The following RMDN3 variants were observed in gnomAD, a reference collection of about 807,000 sequenced individuals.
RMDN3 encodes the protein regulator of microtubule dynamics protein 3.
A neutral mutation model predicts 61.8 loss-of-function variants in RMDN3; 41 were observed. That is an observed-to-expected ratio of 0.66 (90% CI 0.52 to 0.86). The LOEUF is 0.86. RMDN3 is among the 40% of genes least tolerant of loss of function. RMDN3 has a pLI of 0.00. For synonymous variants in RMDN3, 247 were observed against 232.0 expected, an observed-to-expected ratio of 1.06 and a Z score of -0.59; for missense variants, 557 against 585.3, an observed-to-expected ratio of 0.95 and a Z score of 0.50.
At chr15:40,747,388 G>T (rs988514706) in intron 4 of RMDN3, among the ~76,000 whole-genome samples, 2 of 152,210 alleles carry the variant, frequency 1.3e-5, no homozygotes, top group Admixed American at 1.3e-4. Context: ...GCCCTGTGAG[G>T]CAGGGAGGCT....
At chr15:40,739,874 C>T (rs1401750444) in intron 7 of RMDN3, among the ~76,000 whole-genome samples, 2 of 152,142 alleles carry the variant, frequency 1.3e-5, no homozygotes, top group Non-Finnish European at 2.9e-5. Flanking sequence ...TGACTCTTAA[C>T]AAAGCTACTC....
At chr15:40,745,478 T>A (rs1383133770) in intron 4 of RMDN3, among the ~76,000 whole-genome samples, 1 of 149,870 alleles carries the variant, frequency 6.7e-6, no homozygotes, top group African/African-American at 2.5e-5. Context: ...AGTGGTTCGA[T>A]CTTGGCTCAC....
chr15:40,740,170 G>C lies in RMDN3; in HGVS notation c.934C>G (p.Leu312Val). ...LDGKEEAEAA[L>V]EKGDESADCH... ...TCAGCACTCTCATCCCCCTTCTCCA[G>C]AGCAGCCTCTGCTTCTTCTTTTCCT... The change falls in exon 7 of 13, where the codon CTG becomes GTG. Residue 312 changes from leucine to valine, a missense_variant. By Grantham distance (32) the Leu-to-Val change is conservative. Transcript: ENST00000338376. 1 of 1,612,176 alleles carries C rather than the reference G, an allele frequency of 6.2e-7. No individual in the cohort carries two copies. The highest frequency in any genetic ancestry group is 8.5e-7 in the Non-Finnish European group (1 of 1,178,626).
rs1309240758 is a variant in RMDN3 at position 40,748,806 on chromosome 15, G to A, written c.524+2620C>T. Among the ~76,000 whole-genome samples, 3 of 152,182 alleles carry A rather than the reference G, an allele frequency of 2.0e-5. No homozygotes were observed. The East Asian group carries it at 5.8e-4, about 29-fold the overall frequency. ...GTAGAGACAGGGTTTCACCATGTTG[G>A]CCGGGCTGGTCTCGAACTCCTGACC... On this transcript the variant is annotated intron_variant, in intron 4 of 12. Transcript: ENST00000338376.
chr15:40,751,558 T>G lies in RMDN3; in HGVS notation c.392A>C (p.Glu131Ala). 6.2e-7 allele frequency: 1 copy of G among 1,614,218 alleles called. No individual in the cohort carries two copies. The highest frequency in any genetic ancestry group is 8.5e-7 in the Non-Finnish European group (1 of 1,180,044). ...EIVGEVRCHMEENQRVARRRR... is the reference protein window; with the variant it reads ...EIVGEVRCHMAENQRVARRRR... ...CCGCCGAGCCACTCTCTGGTTCTCT[T>G]CCATGTGGCATCTGGAAAGCAGGCC... Residue 131 changes from glutamate (E) to alanine (A), a missense_variant, in exon 4 of 13, where the codon GAA becomes GCA. Glu to Ala is a moderately radical substitution (Grantham distance 107, BLOSUM62 -1). Coordinates refer to ENST00000338376, the MANE Select transcript of RMDN3 (RefSeq NM_018145.3).
rs182300405 is a variant in RMDN3, at chr15:40,749,607, C to T, written c.524+1819G>A. On this transcript the variant is annotated intron_variant, in intron 4 of 12. Coordinates refer to ENST00000338376, the MANE Select transcript of RMDN3 (RefSeq NM_018145.3). ...GCTGTGACCTCTCCTTCTGTTCAAC[C>T]TCCTTACAGAGTTCAAACATCAATT... Among the ~76,000 whole-genome samples the T allele has an allele frequency of 2.8e-3, 430 of 152,362 alleles. 1 individual carries two copies. The highest frequency in any genetic ancestry group is 9.8e-3 in the African/African-American group (407 of 41,582).
chr15:40,740,773 A>G (rs1309771353), intron 6 of RMDN3, among the ~76,000 whole-genome samples: 1 of 152,176 alleles, frequency 6.6e-6, no homozygotes, highest in Non-Finnish European at 1.5e-5. Context: ...TGCTTGAAGC[A>G]GATTTTAGCA....
chr15:40,753,812 A>G (rs1462175513), intron 2 of RMDN3, among the ~76,000 whole-genome samples: 1 of 152,228 alleles, frequency 6.6e-6, no homozygotes, highest in Non-Finnish European at 1.5e-5. Flanking sequence ...TGGTTTCCTC[A>G]TAGGAGGGAT....
At position 40,736,433 on chromosome 15, in the gene RMDN3, A is replaced by G. The variant is rs1897046211; in HGVS notation, c.*108T>C. ...GTAGTGGGTAGCAGTCAGACCCAGGAGACAGATTTGTGTGGTTTCCTGATC... is the reference window on the plus strand; with the variant it reads ...GTAGTGGGTAGCAGTCAGACCCAGGGGACAGATTTGTGTGGTTTCCTGATC... On this transcript the variant is annotated 3_prime_UTR_variant, in exon 13 of 13. Coordinates refer to ENST00000338376, the MANE Select transcript of RMDN3 (RefSeq NM_018145.3). The G allele has an allele frequency of 1.1e-6, 1 of 946,294 alleles. No homozygotes were observed. The highest frequency in any genetic ancestry group is 2.4e-5 in the East Asian group (1 of 41,550). The allele number at this position is 946,294 out of a possible 1,614,324, so 58.6% of individuals were successfully genotyped here. A position where few individuals can be genotyped will look rare whatever the true frequency, so the allele number is the denominator to read the frequency against.
intron 4 of RMDN3, among the ~76,000 whole-genome samples, chr15:40,748,479 G>A (rs574487427): frequency 2.6e-5 from 4 of 152,362 alleles, no homozygotes; most frequent in East Asian, 1.9e-4. Context: ...CCCATCACAG[G>A]TGTCTGGCAG....
chr15:40,754,826 G>GGCA (rs758793179), intron 1 of RMDN3, 36 bp from the exon 2 acceptor site: 53 of 1,318,896 alleles, frequency 4.0e-5, no homozygotes, highest in South Asian at 1.3e-4. Context: ...GCAGGCAGGC[G>GGCA]GGCGGGCGGG....
At chr15:40,748,049 T>C (rs979873750) in intron 4 of RMDN3, among the ~76,000 whole-genome samples, 1 of 152,170 alleles carries the variant, frequency 6.6e-6, no homozygotes, top group Admixed American at 6.6e-5. Flanking sequence ...CAGAGGGAAC[T>C]CAAGCTGTGT....
chr15:40,736,693 G>C (rs535025636), intron 12 of RMDN3, 99 bp from the exon 13 acceptor site: 7 of 1,020,780 alleles, frequency 6.9e-6, no homozygotes, highest in Non-Finnish European at 9.2e-6. Context: ...TCCTTCCTGA[G>C]CTCTGCTACA....
At chr15:40,751,836 G>A (rs1194352282) in intron 3 of RMDN3, 150 bp downstream of exon 3, 11 of 894,424 alleles carry the variant, frequency 1.2e-5, no homozygotes, top group Non-Finnish European at 1.9e-5. Context: ...TGTGCAAGGC[G>A]AGGTACCAAA....
intron 4 of RMDN3, among the ~76,000 whole-genome samples, chr15:40,746,050 G>A (rs1330070146): frequency 6.6e-6 from 1 of 152,164 alleles, no homozygotes; most frequent in Non-Finnish European, 1.5e-5. Flanking sequence ...TGTTTGGGGG[G>A]CTGCCATATG....
At chr15:40,751,772 C>T (rs1212236913) in intron 3 of RMDN3, 26 of 850,888 alleles carry the variant, frequency 3.1e-5, no homozygotes, top group Non-Finnish European at 4.0e-5. Flanking sequence ...GCAAACAGAG[C>T]GCTTCAGCTG....
chr15:40,736,490 C>T lies in RMDN3; in HGVS notation c.*51G>A, dbSNP rs763256768. ...AGGTCTAAGGAAAAAAGCCTCCCCG[C>T]CCCCCCACCTTAAATAGTGGCATCA... On this transcript the variant is annotated 3_prime_UTR_variant, in exon 13 of 13. Transcript: ENST00000338376. 8 of 1,551,662 alleles carry T rather than the reference C, an allele frequency of 5.2e-6. No individual in the cohort carries two copies. Among genetic ancestry groups the T allele is most frequent in the South Asian group, 1.1e-5 (1 of 89,602 alleles).
chr15:40,743,869 G>A (rs549175730), intron 6 of RMDN3, among the ~76,000 whole-genome samples, 178 bp downstream of exon 6: 14 of 152,308 alleles, frequency 9.2e-5, no homozygotes, highest in African/African-American at 3.1e-4. Flanking sequence ...AGCAAAGACT[G>A]CTCTCTTCTT....
At chr15:40,740,548 AG>A (rs1897240856) in intron 6 of RMDN3, among the ~76,000 whole-genome samples, 2 of 152,200 alleles carry the variant, frequency 1.3e-5, no homozygotes, top group Admixed American at 1.3e-4. Context: ...CAAAAGGCTG[AG>A]GCAGGAGAAT....
Sources: allele counts gnomAD v4.1 joint callset (sites outside exome capture counted in the v4.1 genomes callset), GRCh38; gene constraint gnomAD v4.1.1; transcripts MANE v1.5; gene names NCBI Gene and HGNC (gene_info 2026-07-23, HGNC 2026-07-21).